The following MRPS6 variants were observed in gnomAD, a reference collection of about 807,000 sequenced individuals.
MRPS6 encodes mitochondrial ribosomal protein S6.
A neutral mutation model predicts 13.1 loss-of-function variants in MRPS6; 6 were observed. The observed-to-expected ratio is 0.46, with a 90% confidence interval of 0.25 to 0.91. The LOEUF (loss-of-function observed/expected upper bound fraction) is 0.91, where lower values mean the gene tolerates loss of function less well. MRPS6 is among the 40% of genes least tolerant of loss of function. The pLI is 0.18. For missense variants in MRPS6, 164 were observed against 155.6 expected, an observed-to-expected ratio of 1.05 and a Z score of -0.29; for synonymous variants, 61 against 56.5, an observed-to-expected ratio of 1.08 and a Z score of -0.36.
chr21:34,096,798 C>T lies in MRPS6; in HGVS notation c.45+23053C>T, dbSNP rs778217292. The T allele has an allele frequency of 1.2e-6, 2 of 1,614,012 alleles. No homozygotes were observed. The highest frequency in any genetic ancestry group is 1.7e-6 in the Non-Finnish European group (2 of 1,179,956). ...TACTGTAATTGTGAGCCTTCTCACA[C>T]CACCTCCCACAAAGGAACAGATTCG... On this transcript the variant is annotated intron_variant, in intron 1 of 2. Transcript: ENST00000399312. The surrounding 1 kb of genome is among the most constrained non-coding windows in gnomAD (Gnocchi z 5.9).
At chr21:34,131,103 T>C (rs528685834) in intron 2 of MRPS6, among the ~76,000 whole-genome samples, 2 of 152,222 alleles carry the variant, frequency 1.3e-5, no homozygotes, top group Non-Finnish European at 2.9e-5. Flanking sequence ...TGTGTACTTA[T>C]TGATTCAATC....
Position 34,096,428 on chromosome 21 carries a change from G to T in MRPS6, c.45+22683G>T, listed in dbSNP as rs569028619. 1.2e-6 allele frequency: 2 copies of T among 1,614,218 alleles called. No homozygotes were observed. Among genetic ancestry groups the T allele is most frequent in the East Asian group, 4.5e-5 (2 of 44,892 alleles). The stretch of plus-strand genomic sequence containing the variant: ...CAAGCTCCCGGGAGTTAATGATTGT[G>T]GGGAGGATATTTGTGGCATTTATGG... On this transcript the variant is annotated intron_variant, in intron 1 of 2. Coordinates refer to ENST00000399312, the MANE Select transcript of MRPS6 (RefSeq NM_032476.4). This position sits in a 1 kb window ranked among gnomAD's most constrained non-coding sequence, Gnocchi z 5.9.
intron 1 of MRPS6, among the ~76,000 whole-genome samples, chr21:34,119,505 G>T (rs1006299763): frequency 6.6e-6 from 1 of 152,304 alleles, no homozygotes; most frequent in Middle Eastern, 3.4e-3. Flanking sequence ...CACAGGTTTT[G>T]ACAGTTCTGT....
At chr21:34,094,028 C>A (rs1569416003) in intron 1 of MRPS6, among the ~76,000 whole-genome samples, 1 of 152,188 alleles carries the variant, frequency 6.6e-6, no homozygotes, top group Non-Finnish European at 1.5e-5. Flanking sequence ...AAAATCACGC[C>A]TTTAGTCAGT....
chr21:34,105,496 TA>T, intron 1 of MRPS6: 1 of 999,868 alleles, frequency 1.0e-6, no homozygotes, highest in African/African-American at 1.7e-5. Context: ...ATGTAAGTAT[TA>T]ATGCATTTTT....
intron 1 of MRPS6, chr21:34,100,424 G>A (rs1183515661): frequency 3.0e-6 from 3 of 1,000,070 alleles, no homozygotes; most frequent in African/African-American, 3.5e-5. Flanking sequence ...CTTTCCTGGG[G>A]GTAATTATGC....
At position 34,142,246 on chromosome 21, in the gene MRPS6, G is replaced by A. The variant is rs73900001; in HGVS notation, c.186-162G>A. On this transcript the variant is annotated intron_variant, in intron 2 of 2. Transcript: ENST00000399312. ...CTTAACACTGCAATTCTGTTTAGCTGGTCAGCTGGTAGTTTCTATTTTGAC... is the reference window on the plus strand; with the variant it reads ...CTTAACACTGCAATTCTGTTTAGCTAGTCAGCTGGTAGTTTCTATTTTGAC... 4.1e-3 allele frequency among the ~76,000 whole-genome samples: 622 copies of A among 152,266 alleles called. 6 individuals carry two copies. The highest frequency in any genetic ancestry group is 0.014 in the African/African-American group (579 of 41,550).
intron 1 of MRPS6, among the ~76,000 whole-genome samples, chr21:34,111,845 G>GTTTTTTTTTTT (rs60855689): frequency 7.0e-6 from 1 of 141,982 alleles, no homozygotes; most frequent in Non-Finnish European, 1.6e-5. Flanking sequence ...CAGAGTTGAG[G>GTTTTTTTTTTT]TTTTTTTTTT....
chr21:34,077,823 CAGTT>C (rs1004218263), intron 1 of MRPS6, among the ~76,000 whole-genome samples: 4 of 152,070 alleles, frequency 2.6e-5, no homozygotes, highest in African/African-American at 9.7e-5. Context: ...ATGTAGAAAA[CAGTT>C]GGTTTTCTGG....
At chr21:34,120,675 G>A (rs1980085694) in intron 1 of MRPS6, among the ~76,000 whole-genome samples, 1 of 152,094 alleles carries the variant, frequency 6.6e-6, no homozygotes, top group Non-Finnish European at 1.5e-5. Context: ...TAATTATAAT[G>A]TAATTTTAAC....
intron 1 of MRPS6, chr21:34,104,772 A>G (rs544391592): frequency 1.0e-6 from 1 of 999,560 alleles, no homozygotes; most frequent in East Asian, 1.1e-4. Flanking sequence ...GCAACATGTG[A>G]TAATGCAAAG....
At chr21:34,097,624 T>G in intron 1 of MRPS6, 1 of 1,177,324 alleles carries the variant, frequency 8.5e-7, no homozygotes, top group Non-Finnish European at 1.1e-6. Context: ...AGACCAATTA[T>G]TCTCACAGAG....
chr21:34,140,229 T>G (rs1980861937), intron 2 of MRPS6, among the ~76,000 whole-genome samples: 1 of 152,188 alleles, frequency 6.6e-6, no homozygotes. Flanking sequence ...AGGCCTTTTT[T>G]TTTTTCTTAC....
At chr21:34,125,667 A>G (rs573374531) in intron 2 of MRPS6, among the ~76,000 whole-genome samples, 187 bp downstream of exon 2, 104 of 152,244 alleles carry the variant, frequency 6.8e-4, no homozygotes, top group Admixed American at 1.9e-3. Context: ...TTCGTGGACT[A>G]TGATCTGAGT....
intron 1 of MRPS6, among the ~76,000 whole-genome samples, chr21:34,079,545 C>T (rs189375025): frequency 1.3e-5 from 2 of 150,326 alleles, no homozygotes; most frequent in East Asian, 3.9e-4. Flanking sequence ...AAGCGATTCT[C>T]ATGTCTCAGC....
At chr21:34,080,024 C>A (rs1258649013) in intron 1 of MRPS6, among the ~76,000 whole-genome samples, 1 of 152,120 alleles carries the variant, frequency 6.6e-6, no homozygotes, top group African/African-American at 2.4e-5. Flanking sequence ...TCTTCTCTGC[C>A]CTAGTTGAAC....
At position 34,142,800 on chromosome 21, in the gene MRPS6, T is replaced by C; in HGVS notation, c.*200T>C. ...GCTCACTGACAGCTTCTCTGTAACC[T>C]GCAGTACCAGTGGATCGTTCTTGAT... On this transcript the variant is annotated 3_prime_UTR_variant, in exon 3 of 3. Coordinates refer to ENST00000399312, the MANE Select transcript of MRPS6 (RefSeq NM_032476.4). The C allele has an allele frequency of 2.1e-6, 1 of 487,264 alleles. No individual in the cohort carries two copies. The highest frequency in any genetic ancestry group is 3.4e-6 in the Non-Finnish European group (1 of 290,832). The allele number at this position is 487,264 out of a possible 1,614,324, so 30.2% of individuals were successfully genotyped here. A position where few individuals can be genotyped will look rare whatever the true frequency, so the allele number is the denominator to read the frequency against.
intron 1 of MRPS6, among the ~76,000 whole-genome samples, chr21:34,112,075 T>C (rs2148664966): frequency 6.6e-6 from 1 of 152,332 alleles, no homozygotes; most frequent in African/African-American, 2.4e-5. Context: ...TGCATCTCTG[T>C]CTTTCAAAAA....
intron 1 of MRPS6, 156 bp from the exon 2 acceptor site, chr21:34,125,180 CTTTTA>C (rs989908616): frequency 2.4e-5 from 26 of 1,088,770 alleles, no homozygotes; most frequent in African/African-American, 8.0e-5. Flanking sequence ...TTCTCTCTCT[CTTTTA>C]TTTTAAGTTA....
Sources: allele counts gnomAD v4.1 joint callset (sites outside exome capture counted in the v4.1 genomes callset), GRCh38; gene constraint gnomAD v4.1.1; non-coding constraint Gnocchi (gnomAD v3.1); transcripts MANE v1.5; gene names NCBI Gene and HGNC (gene_info 2026-07-23, HGNC 2026-07-21).